Variants in H2BC4 observed in about 807,000 individuals in gnomAD.
The protein encoded by H2BC4 is histone H2B type 1-C/E/F/G/I.
Under a neutral mutation model 6.2 loss-of-function variants are expected in H2BC4, and 10 were observed. That is an observed-to-expected ratio of 1.61 (90% CI 0.99 to 2.73). H2BC4 has a LOEUF of 2.73. Ranked by LOEUF, H2BC4 falls within the 30% of genes most tolerant of loss-of-function variation. H2BC4 has a pLI of 0.00. For synonymous variants in H2BC4, 146 were observed against 70.7 expected (o/e 2.07, Z -5.35); for missense variants, 176 against 168.7 (o/e 1.04, Z -0.24).
chr6:26,123,869 C>G lies in H2BC4; in HGVS notation c.36G>C (p.Lys12Asn). 6.2e-7 allele frequency: 1 copy of G among 1,614,212 alleles called. No homozygotes were observed. The highest frequency in any genetic ancestry group is 8.5e-7 in the Non-Finnish European group (1 of 1,180,044). ...PEPAKSAPAP[K>N]KGSKKAVTKA... ...TGGTCACTGCCTTCTTGGAGCCCTT[C>G]TTCGGGGCGGGAGCAGACTTGGCTG... is the stretch of plus-strand genomic sequence containing the variant. The change falls in exon 1 of 1, where the codon AAG becomes AAC. Residue 12 changes from lysine (K) to asparagine (N), a missense_variant. Transcript: ENST00000396984.
rs1180825457 is a variant in H2BC4 at position 26,123,587 on chromosome 6, C to G, written c.318G>C (p.Glu106Asp). 1 of 1,614,270 alleles carries G rather than the reference C, an allele frequency of 6.2e-7. No homozygotes were observed. Among genetic ancestry groups the G allele is most frequent in the Non-Finnish European group, 8.5e-7 (1 of 1,180,048 alleles). ...QTAVRLLLPGELAKHAVSEGT... is the reference protein window; with the variant it reads ...QTAVRLLLPGDLAKHAVSEGT... The stretch of plus-strand genomic sequence containing the variant: ...CCTCCGACACGGCGTGCTTGGCCAG[C>G]TCTCCGGGAAGCAGCAGGCGCACGG... Residue 106 changes from glutamate (E) to aspartate (D), a missense_variant, in exon 1 of 1, where the codon GAG (glutamate) becomes GAC (aspartate). Coordinates refer to ENST00000396984, the MANE Select transcript of H2BC4 (RefSeq NM_003526.3).
At position 26,123,686 on chromosome 6, in the gene H2BC4, G is replaced by A. The variant is rs1763554039; in HGVS notation, c.219C>T (p.Arg73=). 3.1e-6 allele frequency: 5 copies of A among 1,614,282 alleles called. No homozygotes were observed. The highest frequency in any genetic ancestry group is 1.3e-5 in the African/African-American group (1 of 75,078). ...MNSFVNDIFE[R]IAGEASRLAH... ...CCAGGCGGGAAGCCTCGCCCGCGAT[G>A]CGCTCAAATATGTCGTTAACGAAAG... Residue 73 remains arginine (R), a synonymous_variant, in exon 1 of 1, where the codon CGC becomes CGT. Transcript: ENST00000396984.
At chr6:26,120,960 C>T (rs1451393357), downstream of H2BC4, among the ~76,000 whole-genome samples, 4 of 152,172 alleles carry the variant, frequency 2.6e-5, no homozygotes, top group East Asian at 1.9e-4. Flanking sequence ...TCCTGTTAGT[C>T]CTAACACTTT....
rs762459022 is a variant in H2BC4 at position 26,123,499 on chromosome 6, G to T, written c.*25C>A. 7 of 1,614,188 alleles carry T rather than the reference G, an allele frequency of 4.3e-6. No homozygotes were observed. The highest frequency in any genetic ancestry group is 5.1e-6 in the Non-Finnish European group (6 of 1,180,028). ...CTCTTAAAAGAGCCTTTGGGGTTAG[G>T]TGTTAAGACGCTTACTTGGAATGTT... On this transcript the variant is annotated 3_prime_UTR_variant, in exon 1 of 1. Coordinates refer to ENST00000396984, the MANE Select transcript of H2BC4 (RefSeq NM_003526.3).
chr6:26,123,672 G>T lies in H2BC4; in HGVS notation c.233C>A (p.Ala78Asp). The T allele has an allele frequency of 6.2e-7, 1 of 1,614,286 alleles. No homozygotes were observed. Among genetic ancestry groups the T allele is most frequent in the African/African-American group, 1.3e-5 (1 of 75,084 alleles). Reference sequence around the variant, plus strand: ...CTTGTTGTAATGCGCCAGGCGGGAAGCCTCGCCCGCGATGCGCTCAAATAT... The same window carrying T: ...CTTGTTGTAATGCGCCAGGCGGGAATCCTCGCCCGCGATGCGCTCAAATAT... ...NDIFERIAGE[A>D]SRLAHYNKRS... The change falls in exon 1 of 1, where the codon GCT (alanine) becomes GAT (aspartate). Residue 78 changes from alanine (A) to aspartate (D), a missense_variant. By Grantham distance (126) the Ala-to-Asp change is moderately radical. Transcript: ENST00000396984.
intron 1 of H2BC4, among the ~76,000 whole-genome samples, chr6:26,116,441 C>A (rs1763421209): frequency 6.6e-6 from 1 of 152,094 alleles, no homozygotes; most frequent in Non-Finnish European, 1.5e-5. Context: ...ACTAGTAATC[C>A]CAACAATTTG....
At chr6:26,123,225 G>T, downstream of H2BC4, 1 of 452,200 alleles carries the variant, frequency 2.2e-6, no homozygotes, top group African/African-American at 2.0e-5. Context: ...ACCTAAGCGA[G>T]CCTGCGGTTT....
At chr6:26,121,287 T>C (rs2113797035), downstream of H2BC4, among the ~76,000 whole-genome samples, 2 of 152,314 alleles carry the variant, frequency 1.3e-5, 1 homozygote, top group South Asian at 4.1e-4. Flanking sequence ...AAAACCAGAA[T>C]TCAAATTCTA....
chr6:26,119,428 T>G (rs1481987260), downstream of H2BC4, among the ~76,000 whole-genome samples: 1 of 152,214 alleles, frequency 6.6e-6, no homozygotes, highest in East Asian at 1.9e-4. Flanking sequence ...AGAATTAATT[T>G]ACTCAATTTA....
downstream of H2BC4, among the ~76,000 whole-genome samples, chr6:26,122,631 A>G (rs759603819): frequency 2.0e-5 from 3 of 152,128 alleles, no homozygotes; most frequent in Non-Finnish European, 4.4e-5. Context: ...ACTGGCCTTC[A>G]GTTCAGTGTT....
chr6:26,115,583 C>A (rs866421516), intron 1 of H2BC4, among the ~76,000 whole-genome samples: 1 of 152,108 alleles, frequency 6.6e-6, no homozygotes, highest in Admixed American at 6.6e-5. Context: ...GAAGATACAG[C>A]GACGAAGGCC....
At chr6:26,118,932 T>C (rs1339382601), downstream of H2BC4, among the ~76,000 whole-genome samples, 1 of 152,156 alleles carries the variant, frequency 6.6e-6, no homozygotes, top group African/African-American at 2.4e-5. Context: ...AAATCATGGC[T>C]ATATAAAAAT....
chr6:26,123,407 A>C, downstream of H2BC4: 1 of 1,515,558 alleles, frequency 6.6e-7, no homozygotes, highest in South Asian at 1.3e-5. Flanking sequence ...CCTATATTCT[A>C]ATACCCCTCC....
At chr6:26,122,361 A>G (rs1763511206), downstream of H2BC4, among the ~76,000 whole-genome samples, 1 of 152,200 alleles carries the variant, frequency 6.6e-6, no homozygotes, top group Non-Finnish European at 1.5e-5. Flanking sequence ...CCGGTTTTTA[A>G]TGGAGAAAGC....
At chr6:26,121,854 A>T (rs1763500720), downstream of H2BC4, among the ~76,000 whole-genome samples, 1 of 151,918 alleles carries the variant, frequency 6.6e-6, no homozygotes, top group African/African-American at 2.4e-5. Context: ...GGAGTTCGAG[A>T]CCAGCCTGAC....
chr6:26,123,097 T>C (rs1763528258), downstream of H2BC4, among the ~76,000 whole-genome samples: 2 of 152,134 alleles, frequency 1.3e-5, no homozygotes, highest in Admixed American at 6.5e-5. Context: ...TTTCCCTCGA[T>C]TGGTTAATAT....
chr6:26,115,669 T>C (rs1233901858), intron 1 of H2BC4, among the ~76,000 whole-genome samples: 1 of 152,232 alleles, frequency 6.6e-6, no homozygotes, highest in Non-Finnish European at 1.5e-5. Context: ...ATGCTCTTAC[T>C]CTGTTGCCTG....
downstream of H2BC4, among the ~76,000 whole-genome samples, chr6:26,120,721 T>G (rs544415306): frequency 6.6e-6 from 1 of 152,214 alleles, no homozygotes; most frequent in Admixed American, 6.5e-5. Flanking sequence ...CGTTAAGGTT[T>G]AGAAAATATT....
downstream of H2BC4, among the ~76,000 whole-genome samples, chr6:26,118,875 T>C (rs936690107): frequency 1.3e-5 from 2 of 152,188 alleles, no homozygotes; most frequent in African/African-American, 4.8e-5. Context: ...CCAGCATTGT[T>C]ATAATGTTGT....
Sources: gnomAD v4.1 joint callset for allele counts (sites outside exome capture counted in the v4.1 genomes callset) on GRCh38, gnomAD v4.1.1 for gene constraint, MANE v1.5 for transcripts, NCBI Gene and HGNC (gene_info 2026-07-23, HGNC 2026-07-21) for gene names.